Variants in GRIK1 observed in about 807,000 individuals in gnomAD.
GRIK1 encodes glutamate receptor ionotropic, kainate 1.
GRIK1 carries 69 observed loss-of-function variants against 105.7 expected under a neutral mutation model. The observed-to-expected ratio is 0.65, with a 90% CI of 0.54 to 0.80. The LOEUF is 0.80. Among genes scored for constraint, GRIK1 ranks in the 30% least tolerant of loss-of-function variants. The pLI, the probability that GRIK1 is intolerant of heterozygous loss-of-function variation, is 0.00. For synonymous variants in GRIK1, 438 were observed against 431.3 expected, an observed-to-expected ratio of 1.02 and a Z score of -0.19; for missense variants, 1,109 against 1,167.3, an observed-to-expected ratio of 0.95 and a Z score of 0.73.
At chr21:29,799,289 A>G (rs1442406065) in intron 1 of GRIK1, among the ~76,000 whole-genome samples, 2 of 152,324 alleles carry the variant, frequency 1.3e-5, no homozygotes, top group East Asian at 3.9e-4. Flanking sequence ...ACTGACATGG[A>G]CACTTACCAT....
chr21:29,810,675 A>C (rs7275960), intron 1 of GRIK1, among the ~76,000 whole-genome samples: 7,257 of 152,278 alleles, frequency 0.048, 224 homozygotes, highest in Middle Eastern at 0.078. Context: ...GGGAGCTGGT[A>C]ATCTCAGGAA....
chr21:29,578,968 A>G (rs543638931), intron 13 of GRIK1, among the ~76,000 whole-genome samples: 1 of 152,198 alleles, frequency 6.6e-6, no homozygotes, highest in South Asian at 2.1e-4. Flanking sequence ...CTGTAAATTT[A>G]TTCTTTCATT....
chr21:29,926,787 A>C (rs879506387), intron 1 of GRIK1, among the ~76,000 whole-genome samples: 2 of 152,142 alleles, frequency 1.3e-5, no homozygotes, highest in Non-Finnish European at 2.9e-5. Context: ...TATACTGTTT[A>C]GGCTAAGCTA....
intron 3 of GRIK1, among the ~76,000 whole-genome samples, chr21:29,676,491 A>G (rs1175635057): frequency 6.6e-6 from 1 of 152,212 alleles, no homozygotes; most frequent in Non-Finnish European, 1.5e-5. Flanking sequence ...CTTTGTAATG[A>G]GTAGTTAAAA....
chr21:29,885,681 C>T (rs546133126), intron 1 of GRIK1, among the ~76,000 whole-genome samples: 18 of 152,054 alleles, frequency 1.2e-4, no homozygotes, highest in Non-Finnish European at 2.6e-4. Flanking sequence ...TGTAAATGCC[C>T]ATCACTGTCA....
At chr21:29,746,632 T>C (rs1318325728) in intron 1 of GRIK1, among the ~76,000 whole-genome samples, 2 of 152,230 alleles carry the variant, frequency 1.3e-5, no homozygotes, top group East Asian at 3.8e-4. Flanking sequence ...AATTGTAAAG[T>C]GACTATGAGA....
intron 1 of GRIK1, among the ~76,000 whole-genome samples, chr21:29,701,717 G>A (rs1296671020): frequency 1.3e-5 from 2 of 152,174 alleles, no homozygotes; most frequent in Admixed American, 1.3e-4. Flanking sequence ...TCTGCCCTTG[G>A]AGATGTTGCA....
At chr21:29,558,561 C>T (rs984167622) in intron 15 of GRIK1, among the ~76,000 whole-genome samples, 1 of 151,766 alleles carries the variant, frequency 6.6e-6, no homozygotes, top group African/African-American at 2.4e-5. Context: ...AAAAGCATGA[C>T]AGGTTTACAA....
At chr21:29,815,624 A>G (rs1384961834) in intron 1 of GRIK1, among the ~76,000 whole-genome samples, 1 of 152,202 alleles carries the variant, frequency 6.6e-6, no homozygotes, top group Non-Finnish European at 1.5e-5. Context: ...CTAAAATACT[A>G]TTATTAAAAG....
At chr21:29,867,819 T>TGAAAGAAA (rs1229314777) in intron 1 of GRIK1, among the ~76,000 whole-genome samples, 1 of 45,970 alleles carries the variant, frequency 2.2e-5, no homozygotes, top group African/African-American at 9.9e-5. Context: ...AAAGAAAGAA[T>TGAAAGAAA]GAAAGAAAGA....
intron 14 of GRIK1, among the ~76,000 whole-genome samples, chr21:29,569,636 G>A (rs1485993333): frequency 2.6e-5 from 4 of 152,130 alleles, no homozygotes; most frequent in African/African-American, 9.7e-5. Context: ...TGGTTCACAA[G>A]GATCATTGGG....
intron 1 of GRIK1, among the ~76,000 whole-genome samples, chr21:29,745,837 C>T (rs543690184): frequency 6.6e-6 from 1 of 152,322 alleles, no homozygotes; most frequent in South Asian, 2.1e-4. Flanking sequence ...GGCATGGTGG[C>T]TCATGCCTGT....
chr21:29,837,371 G>A (rs971405935), intron 1 of GRIK1, among the ~76,000 whole-genome samples: 3 of 152,180 alleles, frequency 2.0e-5, no homozygotes, highest in Admixed American at 1.3e-4. Flanking sequence ...GCCTTTAGCA[G>A]CATCTGATGC....
chr21:29,706,871 A>AT (rs921105720), intron 1 of GRIK1, among the ~76,000 whole-genome samples: 114 of 148,358 alleles, frequency 7.7e-4, no homozygotes, highest in East Asian at 4.1e-3. Context: ...TATTCAAGGC[A>AT]TTTTTTTTTT....
chr21:29,790,195 A>G (rs1323864168), intron 1 of GRIK1, among the ~76,000 whole-genome samples: 1 of 152,092 alleles, frequency 6.6e-6, no homozygotes, highest in Non-Finnish European at 1.5e-5. Flanking sequence ...GACTACAGGC[A>G]TGCGCCACCA....
intron 16 of GRIK1, among the ~76,000 whole-genome samples, chr21:29,550,717 C>A (rs1367306320): frequency 6.6e-6 from 1 of 152,154 alleles, no homozygotes; most frequent in Non-Finnish European, 1.5e-5. Context: ...ATTTTCTAAA[C>A]CAGATTCCAT....
chr21:29,704,343 T>G (rs1012362653), intron 1 of GRIK1, among the ~76,000 whole-genome samples: 1 of 152,192 alleles, frequency 6.6e-6, no homozygotes, highest in South Asian at 2.1e-4. Context: ...TTTTGTCTCC[T>G]CCTATGTGGA....
At position 29,831,888 on chromosome 21, in the gene GRIK1, C is replaced by T. The variant is rs184266062; in HGVS notation, c.118+107495G>A. 1.9e-4 allele frequency among the ~76,000 whole-genome samples: 29 copies of T among 152,304 alleles called. No homozygotes were observed. The East Asian group carries it at 4.6e-3, about 24-fold the overall frequency. ...ATTTCAACATTACCTCAAAAATCTA[C>T]AGTCCAAAATCTCATCTGGGACAAG... On this transcript the variant is annotated intron_variant, in intron 1 of 17. Coordinates refer to ENST00000327783, the MANE Select transcript of GRIK1 (RefSeq NM_001330994.2).
At chr21:29,876,110 A>ATGTGTGTG (rs200701692) in intron 1 of GRIK1, among the ~76,000 whole-genome samples, 1 of 39,638 alleles carries the variant, frequency 2.5e-5, no homozygotes, top group African/African-American at 7.5e-5. Flanking sequence ...GAGGAGATAG[A>ATGTGTGTG]TATGTGTGTG....
Sources: allele counts gnomAD v4.1 joint callset (sites outside exome capture counted in the v4.1 genomes callset), GRCh38; gene constraint gnomAD v4.1.1; transcripts MANE v1.5; gene names NCBI Gene and HGNC (gene_info 2026-07-23, HGNC 2026-07-21).